Variants in CSMD1 observed in about 807,000 individuals in gnomAD.
The protein encoded by CSMD1 is CUB and Sushi multiple domains 1.
Under a neutral mutation model 417.5 loss-of-function variants are expected in CSMD1, and 213 were observed. The observed-to-expected ratio is 0.51, with a 90% CI of 0.46 to 0.57. The LOEUF (loss-of-function observed/expected upper bound fraction) is 0.57, where lower values mean the gene tolerates loss of function less well. Among genes scored for constraint, CSMD1 ranks in the 20% least tolerant of loss-of-function variants. CSMD1 has a pLI of 0.00. For synonymous variants in CSMD1, 2,862 were observed against 1,736.8 expected, an observed-to-expected ratio of 1.65 and a Z score of -16.11; for missense variants, 6,923 against 4,529.7, an observed-to-expected ratio of 1.53 and a Z score of -15.17.
In CSMD1 at chr8:4,758,632, G is replaced by T. The variant is rs1261810055; in HGVS notation, c.86-121074C>A. On this transcript the variant is annotated intron_variant, in intron 1 of 69. Coordinates refer to ENST00000635120, the MANE Select transcript of CSMD1 (RefSeq NM_033225.6). The stretch of plus-strand genomic sequence containing the variant: ...TGTTTAATTGACTCAGTTCCACATG[G>T]CTGGGGAGGCCTCAGGAAACTTACA... Among the ~76,000 whole-genome samples the T allele has an allele frequency of 6.6e-5, 10 of 152,276 alleles. No homozygotes were observed. In the South Asian group the frequency reaches 2.1e-3, roughly 32 times the overall value.
At position 4,794,001 on chromosome 8, in the gene CSMD1, A is replaced by G. The variant is rs1797840014; in HGVS notation, c.86-156443T>C. Among the ~76,000 whole-genome samples, 3 of 152,176 alleles carry G rather than the reference A, an allele frequency of 2.0e-5. No homozygotes were observed. In the South Asian group the frequency reaches 6.2e-4, roughly 31 times the overall value. Reference sequence around the variant, plus strand: ...CAAAGGCTTACAGGAGTATTTGCATACATTTTAAAAGCAGTTTCTTATAAA... The same window carrying G: ...CAAAGGCTTACAGGAGTATTTGCATGCATTTTAAAAGCAGTTTCTTATAAA... On this transcript the variant is annotated intron_variant, in intron 1 of 69. Transcript: ENST00000635120.
chr8:4,308,758 C>A (rs1361022660), intron 3 of CSMD1, among the ~76,000 whole-genome samples: 2 of 152,212 alleles, frequency 1.3e-5, no homozygotes, highest in East Asian at 1.9e-4. Context: ...GCTGTTTGAG[C>A]GTGATGACTA....
intron 1 of CSMD1, among the ~76,000 whole-genome samples, chr8:4,861,481 T>C (rs536759281): frequency 1.3e-5 from 2 of 152,216 alleles, no homozygotes; most frequent in South Asian, 2.1e-4. Flanking sequence ...CCTTTATGTA[T>C]GTTTGTATGA....
At chr8:4,794,539 C>A (rs1235285230) in intron 1 of CSMD1, among the ~76,000 whole-genome samples, 3 of 152,100 alleles carry the variant, frequency 2.0e-5, no homozygotes, top group Non-Finnish European at 4.4e-5. Flanking sequence ...CCTGACTCTC[C>A]CTCCCCCACG....
intron 8 of CSMD1, among the ~76,000 whole-genome samples, chr8:3,608,818 C>G (rs1020609467): frequency 1.3e-5 from 2 of 151,742 alleles, no homozygotes; most frequent in African/African-American, 2.4e-5. Context: ...CAATGCTAGT[C>G]TATGTGGATC....
At chr8:3,283,204 C>A (rs76567475) in intron 26 of CSMD1, among the ~76,000 whole-genome samples, 2 of 152,022 alleles carry the variant, frequency 1.3e-5, no homozygotes, top group Non-Finnish European at 2.9e-5. Context: ...ATTCACGGAC[C>A]GTCCTGAACC....
At chr8:3,052,765 A>C (rs1416014029) in intron 49 of CSMD1, 118 bp from the exon 50 acceptor site, 1 of 745,624 alleles carries the variant, frequency 1.3e-6, no homozygotes, top group Non-Finnish European at 1.9e-6. Context: ...ATTGTGAATT[A>C]TATTTCTTTT....
chr8:4,626,993 G>A (rs927176116), intron 2 of CSMD1, among the ~76,000 whole-genome samples: 1 of 152,126 alleles, frequency 6.6e-6, no homozygotes, highest in Non-Finnish European at 1.5e-5. Context: ...TTGTGGTAAA[G>A]CAAGTAATTG....
At chr8:3,171,183 T>G (rs1203332159) in intron 37 of CSMD1, among the ~76,000 whole-genome samples, 4 of 152,212 alleles carry the variant, frequency 2.6e-5, no homozygotes, top group Admixed American at 6.5e-5. Context: ...AAGGCTTGAA[T>G]GCCAATTATA....
chr8:3,850,006 T>TGTAGGCCAC (rs1554460704), intron 5 of CSMD1, among the ~76,000 whole-genome samples: 1 of 151,624 alleles, frequency 6.6e-6, no homozygotes, highest in African/African-American at 2.4e-5. Flanking sequence ...AGTTTCACGA[T>TGTAGGCCAC]GTTGGTCTCA....
intron 3 of CSMD1, among the ~76,000 whole-genome samples, chr8:4,273,465 T>A (rs982528215): frequency 6.6e-6 from 1 of 152,132 alleles, no homozygotes; most frequent in African/African-American, 2.4e-5. Flanking sequence ...AGAAGCAAAT[T>A]ATAATAAATG....
At chr8:3,518,168 G>A (rs2117435616) in intron 10 of CSMD1, among the ~76,000 whole-genome samples, 1 of 152,120 alleles carries the variant, frequency 6.6e-6, no homozygotes, top group African/African-American at 2.4e-5. Flanking sequence ...ATACCAAAAT[G>A]TTGTATGGTT....
chr8:4,871,570 A>G (rs1802742371), intron 1 of CSMD1, among the ~76,000 whole-genome samples: 1 of 152,098 alleles, frequency 6.6e-6, no homozygotes, highest in South Asian at 2.1e-4. Flanking sequence ...TGCTTTTATT[A>G]TTTTTGATAA....
chr8:4,147,824 C>T (rs1449135210), intron 3 of CSMD1, among the ~76,000 whole-genome samples: 2 of 152,120 alleles, frequency 1.3e-5, no homozygotes, highest in Non-Finnish European at 2.9e-5. Flanking sequence ...CAGGAAGACA[C>T]ATCATCAGAA....
chr8:3,509,815 C>A (rs765082676), intron 10 of CSMD1, among the ~76,000 whole-genome samples: 10 of 152,066 alleles, frequency 6.6e-5, no homozygotes, highest in Admixed American at 6.5e-5. Flanking sequence ...AGCCCACCAG[C>A]CAGGTGTGAG....
chr8:3,491,600 C>T (rs977155112), intron 11 of CSMD1, among the ~76,000 whole-genome samples: 2 of 152,228 alleles, frequency 1.3e-5, no homozygotes, highest in Admixed American at 6.5e-5. Context: ...GTCCAAGATT[C>T]GACGAATGAA....
At chr8:3,325,319 T>C (rs899073842) in intron 23 of CSMD1, among the ~76,000 whole-genome samples, 17 of 152,240 alleles carry the variant, frequency 1.1e-4, no homozygotes, top group African/African-American at 3.9e-4. Flanking sequence ...GAAAATATTC[T>C]GTCATCGCTC....
At chr8:3,537,942 A>G (rs1217113749) in intron 10 of CSMD1, among the ~76,000 whole-genome samples, 4 of 152,090 alleles carry the variant, frequency 2.6e-5, no homozygotes, top group African/African-American at 9.7e-5. Flanking sequence ...TCTCCTATTA[A>G]AGTTGTTTAT....
At chr8:3,694,625 C>T (rs1470852796) in intron 7 of CSMD1, among the ~76,000 whole-genome samples, 7 of 151,898 alleles carry the variant, frequency 4.6e-5, no homozygotes, top group East Asian at 3.9e-4. Flanking sequence ...CAGCCCTGGG[C>T]ATGAGAGGGA....
Sources: gnomAD v4.1 joint callset for allele counts (sites outside exome capture counted in the v4.1 genomes callset) on GRCh38, gnomAD v4.1.1 for gene constraint, MANE v1.5 for transcripts, NCBI Gene and HGNC (gene_info 2026-07-23, HGNC 2026-07-21) for gene names.